The following GALNT1 variants were observed in gnomAD, a reference collection of about 807,000 sequenced individuals.
GALNT1 encodes the protein polypeptide N-acetylgalactosaminyltransferase 1.
GALNT1 carries 17 observed loss-of-function variants against 65.7 expected under a neutral mutation model. The observed-to-expected ratio is 0.26, with a 90% confidence interval of 0.18 to 0.39. GALNT1 has a LOEUF of 0.39. Ranked by LOEUF, GALNT1 falls within the 10% of genes least tolerant of loss-of-function variation. The pLI is 1.00. For synonymous variants in GALNT1, 210 were observed against 219.7 expected, an observed-to-expected ratio of 0.96 and a Z score of 0.39; for missense variants, 460 against 672.8, an observed-to-expected ratio of 0.68 and a Z score of 3.50.
intron 4 of GALNT1, among the ~76,000 whole-genome samples, chr18:35,678,980 A>G (rs1430186031): frequency 6.6e-6 from 1 of 152,062 alleles, no homozygotes; most frequent in Non-Finnish European, 1.5e-5. Flanking sequence ...AGTAATTTAT[A>G]TCTTACCTTT....
intron 3 of GALNT1, among the ~76,000 whole-genome samples, chr18:35,670,896 G>A (rs758741081): frequency 3.9e-5 from 6 of 152,104 alleles, no homozygotes; most frequent in Admixed American, 6.6e-5. Flanking sequence ...AATGAATGAC[G>A]CTGGGTCAAC....
At chr18:35,643,899 G>T (rs571267771) in intron 1 of GALNT1, among the ~76,000 whole-genome samples, 2 of 152,126 alleles carry the variant, frequency 1.3e-5, no homozygotes, top group East Asian at 1.9e-4. Flanking sequence ...TAGGGAGTTT[G>T]TATCTTTTGC....
At chr18:35,634,915 C>T (rs1394558837) in intron 1 of GALNT1, among the ~76,000 whole-genome samples, 5 of 152,138 alleles carry the variant, frequency 3.3e-5, no homozygotes, top group Non-Finnish European at 5.9e-5. Context: ...TTTTCCTGTA[C>T]ACTGATTTAT....
At chr18:35,682,921 A>G (rs2047807675) in intron 4 of GALNT1, among the ~76,000 whole-genome samples, 1 of 151,182 alleles carries the variant, frequency 6.6e-6, no homozygotes, top group South Asian at 2.1e-4. Flanking sequence ...AAAAAAAAAA[A>G]AAAAAAAAGT....
intron 1 of GALNT1, among the ~76,000 whole-genome samples, chr18:35,619,353 TCAGA>T (rs1214484392): frequency 6.6e-6 from 1 of 152,168 alleles, no homozygotes; most frequent in Non-Finnish European, 1.5e-5. Flanking sequence ...CCTAGTAACA[TCAGA>T]CAGTGTATTA....
chr18:35,647,819 G>A (rs1392953562), intron 1 of GALNT1, among the ~76,000 whole-genome samples: 1 of 152,012 alleles, frequency 6.6e-6, no homozygotes, highest in East Asian at 1.9e-4. Flanking sequence ...AATATGAGGG[G>A]TAGGAGAAAA....
chr18:35,633,699 A>T (rs866761899), intron 1 of GALNT1, among the ~76,000 whole-genome samples: 36 of 152,112 alleles, frequency 2.4e-4, no homozygotes, highest in African/African-American at 8.5e-4. Context: ...TATTATAATA[A>T]AAAAAATTAT....
intron 4 of GALNT1, among the ~76,000 whole-genome samples, chr18:35,682,477 T>A (rs538725854): frequency 6.6e-6 from 1 of 152,210 alleles, no homozygotes; most frequent in Non-Finnish European, 1.5e-5. Context: ...CTCATACTTA[T>A]TGTATGGTGA....
At chr18:35,645,529 C>T (rs1468481548) in intron 1 of GALNT1, among the ~76,000 whole-genome samples, 2 of 151,986 alleles carry the variant, frequency 1.3e-5, no homozygotes, top group Non-Finnish European at 2.9e-5. Context: ...CGCACCTGGC[C>T]GGTTTATTTT....
intron 9 of GALNT1, among the ~76,000 whole-genome samples, chr18:35,696,801 C>T (rs573102095): frequency 2.6e-5 from 4 of 152,334 alleles, no homozygotes; most frequent in African/African-American, 9.6e-5. Context: ...CTGTTAACCC[C>T]TAATGTCCGT....
At chr18:35,680,522 A>G (rs1258845754) in intron 4 of GALNT1, among the ~76,000 whole-genome samples, 1 of 152,210 alleles carries the variant, frequency 6.6e-6, no homozygotes, top group Non-Finnish European at 1.5e-5. Flanking sequence ...ACAGTCTAGA[A>G]TTATATAATG....
chr18:35,686,766 T>C (rs950382748), intron 5 of GALNT1, among the ~76,000 whole-genome samples: 44 of 152,018 alleles, frequency 2.9e-4, no homozygotes, highest in Non-Finnish European at 3.1e-4. Flanking sequence ...TAGTTGAGTG[T>C]GGTGTTATGT....
chr18:35,636,483 T>G (rs2047090191), intron 1 of GALNT1, among the ~76,000 whole-genome samples: 1 of 152,226 alleles, frequency 6.6e-6, no homozygotes, highest in Non-Finnish European at 1.5e-5. Context: ...CATATGCTGC[T>G]TTCTCATAAA....
intron 9 of GALNT1, among the ~76,000 whole-genome samples, chr18:35,701,998 C>A (rs968878486): frequency 6.6e-6 from 1 of 152,022 alleles, no homozygotes; most frequent in African/African-American, 2.4e-5. Flanking sequence ...ACTGACATTA[C>A]CCCCCCAGTT....
At chr18:35,677,813 A>G in intron 4 of GALNT1, 56 bp downstream of exon 4, 1 of 1,272,194 alleles carries the variant, frequency 7.9e-7, no homozygotes, top group Non-Finnish European at 1.1e-6. Flanking sequence ...ACTAACGGTT[A>G]AAACTAGTTG....
At chr18:35,620,125 C>G (rs566481935) in intron 1 of GALNT1, among the ~76,000 whole-genome samples, 72 of 152,258 alleles carry the variant, frequency 4.7e-4, no homozygotes, top group African/African-American at 1.6e-3. Context: ...TCAGCAAAGA[C>G]CCAGCTCCTA....
At chr18:35,643,313 G>A (rs1335651799) in intron 1 of GALNT1, among the ~76,000 whole-genome samples, 1 of 152,090 alleles carries the variant, frequency 6.6e-6, no homozygotes, top group Non-Finnish European at 1.5e-5. Flanking sequence ...AGAAATGTCT[G>A]TTGAGCATAT....
chr18:35,704,415 C>G (rs2048219670), intron 11 of GALNT1, among the ~76,000 whole-genome samples: 1 of 149,740 alleles, frequency 6.7e-6, no homozygotes, highest in South Asian at 2.1e-4. Flanking sequence ...CTCAAGCTAT[C>G]CTCCCACCTC....
intron 1 of GALNT1, among the ~76,000 whole-genome samples, chr18:35,629,119 T>C (rs1229601036): frequency 6.6e-6 from 1 of 152,022 alleles, no homozygotes; most frequent in East Asian, 1.9e-4. Flanking sequence ...ATGGGGAGAA[T>C]GGAACCAAGT....
Sources: gnomAD v4.1 joint callset for allele counts (sites outside exome capture counted in the v4.1 genomes callset) on GRCh38, gnomAD v4.1.1 for gene constraint, MANE v1.5 for transcripts, NCBI Gene and HGNC (gene_info 2026-07-23, HGNC 2026-07-21) for gene names.